The following SLC71A2 variants were observed in gnomAD, a reference collection of about 807,000 sequenced individuals.
SLC71A2 encodes hippocampus abundant transcript-like 1.
chr9:94,433,658 T>A, the SLC71A2 span, among the ~76,000 whole-genome samples: 13 of 152,040 alleles, frequency 8.6e-5, no homozygotes, highest in Non-Finnish European at 1.6e-4. Flanking sequence ...CAGAGAACTA[T>A]GACTAAAGTA....
chr9:94,443,868 GTCT>G, the SLC71A2 span, among the ~76,000 whole-genome samples: 3 of 152,162 alleles, frequency 2.0e-5, no homozygotes, highest in Non-Finnish European at 2.9e-5. Context: ...CAAGAGCTTT[GTCT>G]TCTTCATCTG....
the SLC71A2 span, among the ~76,000 whole-genome samples, chr9:94,442,889 C>G: frequency 6.6e-6 from 1 of 151,588 alleles, no homozygotes; most frequent in Non-Finnish European, 1.5e-5. Flanking sequence ...TAACAACCTC[C>G]CCCCGCCCTG....
the SLC71A2 span, among the ~76,000 whole-genome samples, chr9:94,409,330 T>C: frequency 1.7e-5 from 2 of 120,342 alleles, no homozygotes; most frequent in Non-Finnish European, 3.3e-5. Context: ...TTTGTATTTT[T>C]AGTAGAGACA....
At chr9:94,455,171 TTTTTTTTTTTGA>T in the SLC71A2 span, among the ~76,000 whole-genome samples, 8 of 99,686 alleles carry the variant, frequency 8.0e-5, no homozygotes, top group Admixed American at 4.0e-4. Context: ...TTTTTTTTTT[TTTTTTTTTTTGA>T]GAGAGAGAGG....
the SLC71A2 span, among the ~76,000 whole-genome samples, chr9:94,389,527 C>G: frequency 6.6e-6 from 1 of 151,226 alleles, no homozygotes; most frequent in African/African-American, 2.4e-5. Flanking sequence ...GTTCTGCCCG[C>G]CTTGGCCTCC....
the SLC71A2 span, chr9:94,459,870 A>T: frequency 6.1e-6 from 1 of 163,626 alleles, no homozygotes; most frequent in Admixed American, 5.9e-5. Context: ...TCTCTGAATC[A>T]GCCCATAGGT....
At chr9:94,392,838 T>A in the SLC71A2 span, among the ~76,000 whole-genome samples, 1 of 150,856 alleles carries the variant, frequency 6.6e-6, no homozygotes, top group Non-Finnish European at 1.5e-5. Flanking sequence ...ATGATCATCT[T>A]TAGTATTTCC....
chr9:94,414,682 T>TA, the SLC71A2 span, among the ~76,000 whole-genome samples: 1 of 152,186 alleles, frequency 6.6e-6, no homozygotes, highest in African/African-American at 2.4e-5. Flanking sequence ...TCTTTCAAGA[T>TA]AGAGTCTTGC....
chr9:94,381,906 C>A, the SLC71A2 span, among the ~76,000 whole-genome samples: 1 of 152,218 alleles, frequency 6.6e-6, no homozygotes, highest in East Asian at 1.9e-4. Context: ...TCTAGTTCAT[C>A]CATATCCTTA....
the SLC71A2 span, among the ~76,000 whole-genome samples, chr9:94,452,911 G>A: frequency 6.6e-6 from 1 of 151,660 alleles, no homozygotes; most frequent in East Asian, 1.9e-4. Flanking sequence ...ACTGCCTAGG[G>A]GTTGTTTTCC....
chr9:94,430,890 T>A, the SLC71A2 span, among the ~76,000 whole-genome samples: 1 of 151,822 alleles, frequency 6.6e-6, no homozygotes, highest in East Asian at 1.9e-4. Context: ...TAAATAGGAG[T>A]TTAAAGTATA....
chr9:94,378,654 G>A, the SLC71A2 span, among the ~76,000 whole-genome samples: 1 of 152,050 alleles, frequency 6.6e-6, no homozygotes, highest in Admixed American at 6.6e-5. Flanking sequence ...CTAATGGAGC[G>A]AGGACTCACT....
the SLC71A2 span, among the ~76,000 whole-genome samples, chr9:94,439,077 A>G: frequency 7.9e-6 from 1 of 127,368 alleles, no homozygotes; most frequent in East Asian, 2.4e-4. Flanking sequence ...GCTGGAGTGC[A>G]GTGGCACGAT....
the SLC71A2 span, among the ~76,000 whole-genome samples, chr9:94,378,400 G>A: frequency 3.3e-5 from 5 of 152,170 alleles, no homozygotes; most frequent in African/African-American, 1.2e-4. Flanking sequence ...GGCCGCGTGC[G>A]GTGGATCACT....
chr9:94,374,634 T>C, the SLC71A2 span: 1 of 153,618 alleles, frequency 6.5e-6, no homozygotes, highest in East Asian at 1.9e-4. Context: ...TGCGGTCTTC[T>C]GCTAGCCTGA....
chr9:94,374,629 T>C, the SLC71A2 span: 1 of 153,358 alleles, frequency 6.5e-6, no homozygotes, highest in Non-Finnish European at 1.4e-5. Context: ...GGAGCTGCGG[T>C]CTTCTGCTAG....
chr9:94,427,697 G>A, the SLC71A2 span, among the ~76,000 whole-genome samples: 3 of 145,000 alleles, frequency 2.1e-5, no homozygotes, highest in Non-Finnish European at 4.5e-5. Flanking sequence ...ACTCCACCCT[G>A]TATTTCCCAC....
At chr9:94,385,448 C>T in the SLC71A2 span, among the ~76,000 whole-genome samples, 9 of 152,212 alleles carry the variant, frequency 5.9e-5, no homozygotes, top group East Asian at 1.9e-4. Flanking sequence ...GTGTTTTTAG[C>T]GTCATATATA....
chr9:94,440,986 T>G, the SLC71A2 span: 1 of 1,593,544 alleles, frequency 6.3e-7, no homozygotes, highest in African/African-American at 1.3e-5. Flanking sequence ...TTTTTATAGG[T>G]GGTATTTTGC....
Sources: gnomAD v4.1 joint callset for allele counts (sites outside exome capture counted in the v4.1 genomes callset) on GRCh38, gnomAD v4.1.1 for gene constraint, MANE v1.5 for transcripts, NCBI Gene and HGNC (gene_info 2026-07-23, HGNC 2026-07-21) for gene names.